Variants in KLF12 observed in about 807,000 individuals in gnomAD.
KLF12 encodes Krueppel-like factor 12.
Under a neutral mutation model 37.8 loss-of-function variants are expected in KLF12, and 9 were observed. The observed-to-expected ratio is 0.24, with a 90% CI of 0.14 to 0.42. The LOEUF is 0.42. KLF12 is among the 10% of genes least tolerant of loss of function. KLF12 has a pLI of 1.00. For missense variants in KLF12, 411 were observed against 516.0 expected, an observed-to-expected ratio of 0.80 and a Z score of 1.97; for synonymous variants, 208 against 202.1, an observed-to-expected ratio of 1.03 and a Z score of -0.25.
At chr13:74,030,576 G>A (rs1021478370) in intron 1 of KLF12, among the ~76,000 whole-genome samples, 26 of 151,882 alleles carry the variant, frequency 1.7e-4, no homozygotes, top group African/African-American at 4.8e-4. Context: ...TTCCTCCCAC[G>A]CTCTCTCTCA....
the KLF12 span, among the ~76,000 whole-genome samples, chr13:74,286,510 G>A: frequency 1.3e-5 from 2 of 152,182 alleles, no homozygotes; most frequent in Admixed American, 1.3e-4. Flanking sequence ...ATTTTCATAT[G>A]CACATTCTTG....
Position 73,935,492 on chromosome 13 carries a change from G to A in KLF12, c.123+8489C>T, listed in dbSNP as rs565975188. On this transcript the variant is annotated intron_variant, in intron 3 of 7. Transcript: ENST00000377669. ...GGAGAGGTGTTTGGGTCATGGGGGC[G>A]GATCCCTCATTAATGGCTTGGTGTT... is the stretch of plus-strand genomic sequence containing the variant. Among the ~76,000 whole-genome samples the A allele has an allele frequency of 2.0e-4, 31 of 152,106 alleles. No individual in the cohort carries two copies. The South Asian group carries it at 4.4e-3, about 21-fold the overall frequency.
At chr13:73,864,773 A>G (rs9600177) in intron 3 of KLF12, among the ~76,000 whole-genome samples, 13,890 of 152,134 alleles carry the variant, frequency 0.091, 1,094 homozygotes, top group African/African-American at 0.21. Context: ...AATCACTGAC[A>G]TGAGAAGATC....
chr13:74,253,126 T>C, the KLF12 span, among the ~76,000 whole-genome samples: 3 of 152,222 alleles, frequency 2.0e-5, no homozygotes, highest in African/African-American at 7.2e-5. Context: ...CATCTGTATT[T>C]CTAGAGAAAT....
the KLF12 span, among the ~76,000 whole-genome samples, chr13:74,302,642 C>T: frequency 1.3e-5 from 2 of 152,132 alleles, no homozygotes; most frequent in South Asian, 2.1e-4. Context: ...CACTGCTAGA[C>T]TGAATCATCG....
At position 73,846,041 on chromosome 13, in the gene KLF12, T is replaced by C. The variant is rs1200919011; in HGVS notation, c.456A>G (p.Ala152=). ...AAAACTGCTGGCCTCCAACACCAGA[T>C]GCAGAGGCCACAAGGGGCCCTGGAG... The change falls in exon 4 of 8, where the codon GCA becomes GCG. Residue 152 remains alanine, a synonymous_variant. Transcript: ENST00000377669. 10 of 1,613,958 alleles carry C rather than the reference T, an allele frequency of 6.2e-6. No individual in the cohort carries two copies. The highest frequency in any genetic ancestry group is 1.1e-5 in the South Asian group (1 of 91,080).
At chr13:73,723,668 G>A (rs1420500489) in intron 6 of KLF12, among the ~76,000 whole-genome samples, 6 of 151,974 alleles carry the variant, frequency 3.9e-5, no homozygotes, top group Admixed American at 2.0e-4. Context: ...TCTGATTTGG[G>A]GACTCTCTAG....
chr13:74,158,979 T>C, the KLF12 span, among the ~76,000 whole-genome samples: 1 of 152,224 alleles, frequency 6.6e-6, no homozygotes, highest in Non-Finnish European at 1.5e-5. Flanking sequence ...AATGAGCATG[T>C]GCGCCTACTA....
At chr13:73,943,910 C>A in intron 3 of KLF12, 71 bp downstream of exon 3, 1 of 938,902 alleles carries the variant, frequency 1.1e-6, no homozygotes, top group Non-Finnish European at 1.7e-6. Context: ...CTCTGCAAAC[C>A]TCAGGATGCT....
intron 6 of KLF12, among the ~76,000 whole-genome samples, chr13:73,735,534 G>C (rs753405589): frequency 1.3e-5 from 2 of 152,026 alleles, no homozygotes; most frequent in Non-Finnish European, 2.9e-5. Flanking sequence ...GGCTGAGCGA[G>C]GCACACAGGA....
chr13:74,072,540 C>G (rs1874334589), intron 1 of KLF12, among the ~76,000 whole-genome samples: 1 of 151,566 alleles, frequency 6.6e-6, no homozygotes, highest in African/African-American at 2.4e-5. Flanking sequence ...GAGTTCAAGA[C>G]CAGCCAAAGC....
chr13:74,135,703 C>T (rs898996246), upstream of KLF12, among the ~76,000 whole-genome samples: 77 of 152,144 alleles, frequency 5.1e-4, no homozygotes, highest in African/African-American at 1.6e-3. Flanking sequence ...CTGCCCCGCG[C>T]CCCCGGCCCG....
rs189691330 is a variant in KLF12 at position 73,997,582 on chromosome 13, G to C, written c.-31-2529C>G. On this transcript the variant is annotated intron_variant, in intron 1 of 7. Transcript: ENST00000377669. ...CCAATCCCTATCAAAAGCAAGCCAT[G>C]ATATAAAATAGGAAAATGGCACATT... Among the ~76,000 whole-genome samples, 5 of 152,242 alleles carry C rather than the reference G, an allele frequency of 3.3e-5. No homozygotes were observed. The East Asian group carries it at 9.7e-4, about 29-fold the overall frequency.
the KLF12 span, among the ~76,000 whole-genome samples, chr13:74,158,423 G>A: frequency 6.6e-6 from 1 of 152,110 alleles, no homozygotes; most frequent in East Asian, 1.9e-4. Context: ...TCATGGCCTG[G>A]GATTAGGTGA....
intron 3 of KLF12, among the ~76,000 whole-genome samples, chr13:73,856,256 A>C (rs1044956879): frequency 6.6e-6 from 1 of 152,210 alleles, no homozygotes; most frequent in Non-Finnish European, 1.5e-5. Context: ...TCTGCTAATC[A>C]GGTGTGAGTT....
chr13:74,263,696 C>T, the KLF12 span, among the ~76,000 whole-genome samples: 32 of 152,216 alleles, frequency 2.1e-4, no homozygotes, highest in Admixed American at 1.1e-3. Context: ...GCTGAAATCA[C>T]GCCACTGCAC....
At chr13:74,248,706 G>A in the KLF12 span, among the ~76,000 whole-genome samples, 1 of 152,152 alleles carries the variant, frequency 6.6e-6, no homozygotes, top group African/African-American at 2.4e-5. Context: ...CAGTCCTATT[G>A]GCTGTGTGTT....
At chr13:74,300,055 TA>T in the KLF12 span, among the ~76,000 whole-genome samples, 1 of 152,106 alleles carries the variant, frequency 6.6e-6, no homozygotes, top group African/African-American at 2.4e-5. Flanking sequence ...AAAACCATTG[TA>T]AAAAGGGGAA....
chr13:74,151,966 C>G, the KLF12 span, among the ~76,000 whole-genome samples: 2 of 152,132 alleles, frequency 1.3e-5, no homozygotes, highest in African/African-American at 4.8e-5. Context: ...CAAATGCAAA[C>G]TAAAGAGTAG....
Sources: gnomAD v4.1 joint callset for allele counts (sites outside exome capture counted in the v4.1 genomes callset) on GRCh38, gnomAD v4.1.1 for gene constraint, MANE v1.5 for transcripts, NCBI Gene and HGNC (gene_info 2026-07-23, HGNC 2026-07-21) for gene names.